Variants in RERE observed in about 807,000 individuals in gnomAD.
RERE encodes the protein arginine-glutamic acid dipeptide repeats protein.
A neutral mutation model predicts 146.1 loss-of-function variants in RERE; 40 were observed. The ratio of observed to expected loss-of-function variants is 0.27; its 90% CI spans 0.21 to 0.36. The LOEUF is 0.36. RERE is among the 10% of genes least tolerant of loss of function. The pLI, the probability that RERE is intolerant of heterozygous loss-of-function variation, is 1.00. For missense variants in RERE, 1,933 were observed against 2,138.7 expected, an observed-to-expected ratio of 0.90 and a Z score of 1.90; for synonymous variants, 1,003 against 866.0, an observed-to-expected ratio of 1.16 and a Z score of -2.78.
intron 11 of RERE, among the ~76,000 whole-genome samples, chr1:8,457,474 AAAG>A (rs1210426803): frequency 1.3e-5 from 2 of 152,260 alleles, no homozygotes; most frequent in African/African-American, 4.8e-5. Context: ...GGTGTTAGGA[AAAG>A]AATAACAAAA....
intron 1 of RERE, among the ~76,000 whole-genome samples, chr1:8,687,406 G>A (rs968246678): frequency 1.2e-4 from 18 of 152,136 alleles, no homozygotes; most frequent in Admixed American, 2.6e-4. Context: ...AAGTATAAAA[G>A]GACAATGTAT....
chr1:8,450,816 T>C (rs991619386), intron 11 of RERE, among the ~76,000 whole-genome samples: 2 of 152,176 alleles, frequency 1.3e-5, no homozygotes, highest in African/African-American at 4.8e-5. Context: ...CCAAAGTCTC[T>C]TCCTAGCTAG....
chr1:8,399,817 AT>A (rs1275264931), intron 12 of RERE, among the ~76,000 whole-genome samples: 3 of 151,790 alleles, frequency 2.0e-5, no homozygotes, highest in Non-Finnish European at 1.5e-5. Context: ...AAAAAAAAAA[AT>A]AAAGAATTTG....
chr1:8,610,974 C>T (rs1426798686), intron 4 of RERE, among the ~76,000 whole-genome samples: 5 of 151,522 alleles, frequency 3.3e-5, no homozygotes, highest in Non-Finnish European at 7.4e-5. Context: ...GTGGGGGGAT[C>T]ATGAGGTCAG....
chr1:8,564,628 T>C (rs1441877055), intron 4 of RERE, among the ~76,000 whole-genome samples: 3 of 152,042 alleles, frequency 2.0e-5, no homozygotes, highest in African/African-American at 7.2e-5. Flanking sequence ...TTAATTCAAT[T>C]AAAATGAAAT....
At chr1:8,758,193 C>G (rs1232693927) in intron 1 of RERE, among the ~76,000 whole-genome samples, 1 of 151,886 alleles carries the variant, frequency 6.6e-6, no homozygotes, top group Non-Finnish European at 1.5e-5. Flanking sequence ...TCAAGCAATT[C>G]TCCTGCCTGA....
At chr1:8,684,750 C>A (rs549751704) in intron 1 of RERE, among the ~76,000 whole-genome samples, 1 of 152,330 alleles carries the variant, frequency 6.6e-6, no homozygotes, top group South Asian at 2.1e-4. Context: ...ACCATCTTTG[C>A]CTCCTGCAAT....
At chr1:8,653,832 G>A (rs1647771053) in intron 2 of RERE, among the ~76,000 whole-genome samples, 1 of 151,754 alleles carries the variant, frequency 6.6e-6, no homozygotes, top group Admixed American at 6.6e-5. Context: ...CTGCCCAATA[G>A]CTGAGTCTAC....
At chr1:8,457,127 G>A (rs1220792038) in intron 11 of RERE, among the ~76,000 whole-genome samples, 1 of 152,280 alleles carries the variant, frequency 6.6e-6, no homozygotes, top group Non-Finnish European at 1.5e-5. Flanking sequence ...AGAACTGAAT[G>A]AGAAACTTGG....
intron 1 of RERE, among the ~76,000 whole-genome samples, chr1:8,681,641 TA>T (rs1204876502): frequency 1.3e-5 from 2 of 152,182 alleles, no homozygotes; most frequent in Non-Finnish European, 2.9e-5. Context: ...TGAGATTAGG[TA>T]ACACTTTAAG....
At chr1:8,489,490 T>A (rs1210206805) in intron 10 of RERE, among the ~76,000 whole-genome samples, 1 of 152,022 alleles carries the variant, frequency 6.6e-6, no homozygotes, top group African/African-American at 2.4e-5. Flanking sequence ...ATAACTAAAT[T>A]GTAAAACAAA....
chr1:8,599,456 A>G (rs1229345946), intron 4 of RERE, among the ~76,000 whole-genome samples: 1 of 152,242 alleles, frequency 6.6e-6, no homozygotes, highest in Non-Finnish European at 1.5e-5. Flanking sequence ...AGAGAATATG[A>G]GGAAAAACAA....
At chr1:8,393,213 T>C (rs772156411) in intron 12 of RERE, among the ~76,000 whole-genome samples, 7 of 152,230 alleles carry the variant, frequency 4.6e-5, no homozygotes, top group East Asian at 1.9e-4. Flanking sequence ...CAGATGTTTC[T>C]GTGAATTTTT....
intron 8 of RERE, among the ~76,000 whole-genome samples, chr1:8,505,139 A>G (rs1645233685): frequency 6.6e-6 from 1 of 152,222 alleles, no homozygotes; most frequent in Admixed American, 6.5e-5. Flanking sequence ...GGACCTGGGA[A>G]TTAAGAGAGA....
intron 10 of RERE, among the ~76,000 whole-genome samples, chr1:8,475,373 TA>T (rs70990569): frequency 0.61 from 83,196 of 136,938 alleles, 24,644 homozygotes; most frequent in East Asian, 0.83. Flanking sequence ...GATTCTGTCT[TA>T]AAAAAAAAAA....
intron 4 of RERE, among the ~76,000 whole-genome samples, chr1:8,603,311 C>T (rs1646657010): frequency 6.6e-6 from 1 of 152,234 alleles, no homozygotes; most frequent in Non-Finnish European, 1.5e-5. Flanking sequence ...AAGGCAAAGT[C>T]ACTTCATGGC....
chr1:8,551,766 A>G (rs1320352931), intron 6 of RERE, among the ~76,000 whole-genome samples: 1 of 152,108 alleles, frequency 6.6e-6, no homozygotes, highest in African/African-American at 2.4e-5. Flanking sequence ...TAGTCATGTG[A>G]CCTTGAACAA....
intron 1 of RERE, among the ~76,000 whole-genome samples, chr1:8,728,554 T>C (rs1000450939): frequency 4.6e-5 from 7 of 152,034 alleles, no homozygotes; most frequent in Non-Finnish European, 1.0e-4. Context: ...AAAGGTATGA[T>C]ATTTCAATTA....
intron 4 of RERE, among the ~76,000 whole-genome samples, chr1:8,586,665 C>T (rs906352642): frequency 7.9e-5 from 12 of 152,126 alleles, no homozygotes; most frequent in Non-Finnish European, 2.9e-5. Flanking sequence ...GACCAGATGC[C>T]ACAGATGCAC....
Sources: gnomAD v4.1 joint callset for allele counts (sites outside exome capture counted in the v4.1 genomes callset) on GRCh38, gnomAD v4.1.1 for gene constraint, MANE v1.5 for transcripts, NCBI Gene and HGNC (gene_info 2026-07-23, HGNC 2026-07-21) for gene names.